ADGRG7: variants seen among roughly 807,000 people sequenced by gnomAD.
ADGRG7 encodes the protein G-protein coupled receptor 128.
ADGRG7 carries 82 observed loss-of-function variants against 88.6 expected under a neutral mutation model. The observed-to-expected ratio is 0.93, with a 90% CI of 0.77 to 1.11. The LOEUF is 1.11. Among genes scored for constraint, ADGRG7 ranks in the 50% most tolerant of loss-of-function variants. The pLI, the probability that ADGRG7 is intolerant of heterozygous loss-of-function variation, is 0.00. For synonymous variants in ADGRG7, 381 were observed against 345.2 expected (o/e 1.10, Z -1.15); for missense variants, 945 against 953.4 (o/e 0.99, Z 0.12).
chr3:100,635,630 G>A (rs763674877), intron 4 of ADGRG7, 47 bp from the exon 5 acceptor site: 1 of 1,599,464 alleles, frequency 6.3e-7, no homozygotes, highest in Non-Finnish European at 8.5e-7. Context: ...AAAGTGTTTG[G>A]ACATAATTGT....
chr3:100,659,437 C>A (rs1456274385), intron 13 of ADGRG7, among the ~76,000 whole-genome samples: 1 of 34,996 alleles, frequency 2.9e-5, no homozygotes, highest in African/African-American at 7.5e-5. Context: ...AAGACTCAGT[C>A]TCAAAAAAAA....
intron 13 of ADGRG7, among the ~76,000 whole-genome samples, chr3:100,656,299 A>T (rs1473159766): frequency 6.6e-6 from 1 of 152,148 alleles, no homozygotes; most frequent in Admixed American, 6.5e-5. Context: ...ATCCTTAGTA[A>T]TCCTATATCT....
chr3:100,688,346 T>G (rs1245710975), intron 15 of ADGRG7, among the ~76,000 whole-genome samples: 3 of 152,240 alleles, frequency 2.0e-5, no homozygotes, highest in Non-Finnish European at 4.4e-5. Context: ...TTCATTGATT[T>G]TTTGAAGGGT....
chr3:100,612,093 T>A (rs1376052477), intron 1 of ADGRG7, among the ~76,000 whole-genome samples: 7 of 152,134 alleles, frequency 4.6e-5, no homozygotes, highest in Non-Finnish European at 1.0e-4. Flanking sequence ...TTTATTGCAT[T>A]CAAAATTTAT....
In ADGRG7 at chr3:100,694,823, C is replaced by A. The variant is rs747101652; in HGVS notation, c.2216C>A (p.Ser739Ter). The A allele has an allele frequency of 5.0e-6, 8 of 1,613,968 alleles. No individual in the cohort carries two copies. Among genetic ancestry groups the A allele is most frequent in the African/African-American group, 2.7e-5 (2 of 74,910 alleles). Reference sequence around the variant, plus strand: ...GCTTCCAAAGTGTTGATGTTGCTATCGTCTATTGGGAGAAGGAAGTCATTG... The same window carrying A: ...GCTTCCAAAGTGTTGATGTTGCTATAGTCTATTGGGAGAAGGAAGTCATTG... Reference protein sequence around the residue: ...SEASKVLMLLSSIGRRKSLPS... With the variant: ...SEASKVLMLL The change falls in exon 16 of 16, where the codon TCG becomes TAG. Residue 739 changes from serine (S) to a stop codon, truncating the protein, a stop_gained. Coordinates refer to ENST00000273352, the MANE Select transcript of ADGRG7 (RefSeq NM_032787.3). LOFTEE classifies it high-confidence loss of function.
At chr3:100,642,958 T>C (rs568797188) in intron 6 of ADGRG7, among the ~76,000 whole-genome samples, 2 of 152,330 alleles carry the variant, frequency 1.3e-5, no homozygotes, top group East Asian at 3.9e-4. Context: ...ACACCATCCT[T>C]CTATGTGAAG....
At chr3:100,693,888 T>TA (rs2094997936) in intron 15 of ADGRG7, among the ~76,000 whole-genome samples, 1 of 152,196 alleles carries the variant, frequency 6.6e-6, no homozygotes, top group South Asian at 2.1e-4. Context: ...AGCAGCATCT[T>TA]AAAAGCTATG....
chr3:100,679,817 T>C (rs1275931693), intron 15 of ADGRG7, among the ~76,000 whole-genome samples: 1 of 152,122 alleles, frequency 6.6e-6, no homozygotes, highest in Non-Finnish European at 1.5e-5. Flanking sequence ...ATACAGACAG[T>C]GTTATAGTTA....
chr3:100,669,751 C>A (rs1031636859), intron 15 of ADGRG7, among the ~76,000 whole-genome samples: 1 of 151,328 alleles, frequency 6.6e-6, no homozygotes, highest in African/African-American at 2.4e-5. Flanking sequence ...TTATTATTGA[C>A]TGGCCGGGCG....
chr3:100,637,462 T>C (rs1188981949), intron 6 of ADGRG7, 60 bp downstream of exon 6: 1 of 1,087,592 alleles, frequency 9.2e-7, no homozygotes, highest in Non-Finnish European at 1.4e-6. Context: ...TTTCCTAGGC[T>C]AAAGTATTAA....
chr3:100,649,635 A>G (rs1358477231), intron 10 of ADGRG7, 60 bp from the exon 11 acceptor site: 1 of 880,310 alleles, frequency 1.1e-6, no homozygotes, highest in Non-Finnish European at 1.9e-6. Flanking sequence ...TGTGATGTTG[A>G]CTTTCATTAA....
chr3:100,642,204 A>C (rs1469765662), intron 6 of ADGRG7, among the ~76,000 whole-genome samples: 1 of 152,228 alleles, frequency 6.6e-6, no homozygotes, highest in Non-Finnish European at 1.5e-5. Flanking sequence ...TGACCTCTAC[A>C]TAGATACTCA....
chr3:100,659,448 A>G (rs962781024), intron 13 of ADGRG7, among the ~76,000 whole-genome samples: 2,387 of 89,892 alleles, frequency 0.027, 29 homozygotes, highest in African/African-American at 0.064. Context: ...TCAAAAAAAA[A>G]AAAAAAAAAA....
intron 14 of ADGRG7, among the ~76,000 whole-genome samples, chr3:100,664,441 A>G (rs966484590): frequency 1.2e-4 from 18 of 152,282 alleles, no homozygotes; most frequent in African/African-American, 3.1e-4. Context: ...TCATAATTCT[A>G]TCATAAAATC....
intron 15 of ADGRG7, among the ~76,000 whole-genome samples, chr3:100,670,263 T>C (rs1182721431): frequency 6.6e-6 from 1 of 152,184 alleles, no homozygotes; most frequent in East Asian, 1.9e-4. Flanking sequence ...CATGCAAAGT[T>C]TGACTTTCTG....
At position 100,609,716 on chromosome 3, in the gene ADGRG7, C is replaced by T. The variant is rs41272967; in HGVS notation, c.-141C>T. On this transcript the variant is annotated 5_prime_UTR_variant, in exon 1 of 16. Transcript: ENST00000273352. ...GATTAGCCTCAAAAGTCCTAAAATA[C>T]AAAGACATCCATCTGACAGATCACT... 4,938 of 596,616 alleles carry T rather than the reference C, an allele frequency of 8.3e-3. 30 individuals are homozygous for T. The highest frequency in any genetic ancestry group is 0.02 in the African/African-American group (1,089 of 53,290). 37.0% of individuals were successfully genotyped at this position (596,616 alleles called of 1,614,324 possible).
intron 10 of ADGRG7, among the ~76,000 whole-genome samples, chr3:100,648,578 C>G (rs1707797559): frequency 6.6e-6 from 1 of 152,008 alleles, no homozygotes; most frequent in Admixed American, 6.6e-5. Flanking sequence ...AATGGCAATT[C>G]AAGCATAATG....
chr3:100,643,245 A>G, intron 6 of ADGRG7, 21 bp from the exon 7 acceptor site: 2 of 1,606,196 alleles, frequency 1.2e-6, no homozygotes, highest in South Asian at 2.2e-5. Context: ...TGAGTATTAA[A>G]TTGTGTTTTA....
intron 8 of ADGRG7, among the ~76,000 whole-genome samples, chr3:100,644,116 C>T (rs1356427689): frequency 6.6e-6 from 1 of 151,990 alleles, no homozygotes; most frequent in African/African-American, 2.4e-5. Flanking sequence ...ACCATGTGCT[C>T]ACTATTGTCC....
Sources: gnomAD v4.1 joint callset for allele counts (sites outside exome capture counted in the v4.1 genomes callset) on GRCh38, gnomAD v4.1.1 for gene constraint, MANE v1.5 for transcripts, NCBI Gene and HGNC (gene_info 2026-07-23, HGNC 2026-07-21) for gene names.